The following RIMS2 variants were observed in gnomAD, a reference collection of about 807,000 sequenced individuals.
RIMS2 encodes the protein regulating synaptic membrane exocytosis protein 2.
In RIMS2, 59 loss-of-function variants were observed where a neutral mutation model predicts 174.4. The ratio of observed to expected loss-of-function variants is 0.34; its 90% CI spans 0.27 to 0.42. RIMS2 has a LOEUF of 0.42. Ranked by LOEUF, RIMS2 falls within the 10% of genes least tolerant of loss-of-function variation. The probability of loss-of-function intolerance (pLI) is 1.00; values close to 1 mark genes in which losing one functional copy is unlikely to be tolerated. For synonymous variants in RIMS2, 606 were observed against 572.5 expected (o/e 1.06, Z -0.84); for missense variants, 1,620 against 1,666.3 (o/e 0.97, Z 0.48).
At chr8:104,130,185 A>G (rs995088579) in intron 19 of RIMS2, among the ~76,000 whole-genome samples, 1 of 152,212 alleles carries the variant, frequency 6.6e-6, no homozygotes, top group African/African-American at 2.4e-5. Context: ...ATTGCAATAG[A>G]AGAATTTCCA....
chr8:104,148,494 A>G lies in RIMS2; in HGVS notation c.3335-96422A>G, dbSNP rs1410965262. On this transcript the variant is annotated intron_variant, in intron 19 of 23. Transcript: ENST00000504942. ...TTGAAATTTTTTAACTCCTAAAAAT[A>G]TATTCCATAGATGATATAATTTAAT... is the stretch of plus-strand genomic sequence containing the variant. 2.8e-6 allele frequency: 3 copies of G among 1,066,034 alleles called. No homozygotes were observed. In the African/African-American group the frequency reaches 4.8e-5, roughly 17 times the overall value. The allele number at this position is 1,066,034 out of a possible 1,614,324, so 66.0% of individuals were successfully genotyped here.
intron 1 of RIMS2, among the ~76,000 whole-genome samples, chr8:103,518,507 G>A (rs1830094710): frequency 6.6e-6 from 1 of 151,810 alleles, no homozygotes; most frequent in South Asian, 2.1e-4. Context: ...TGGAAAGCAG[G>A]TATCTATATA....
intron 2 of RIMS2, among the ~76,000 whole-genome samples, chr8:103,703,941 T>A (rs2097195732): frequency 6.6e-6 from 1 of 152,054 alleles, no homozygotes; most frequent in African/African-American, 2.4e-5. Flanking sequence ...AAAGTCTAAT[T>A]TGACTTCTTC....
At chr8:103,677,000 C>G (rs1387086850) in intron 1 of RIMS2, among the ~76,000 whole-genome samples, 1 of 152,006 alleles carries the variant, frequency 6.6e-6, no homozygotes, top group Non-Finnish European at 1.5e-5. Context: ...ATAAAATATA[C>G]TTTTTAAAGT....
intron 1 of RIMS2, among the ~76,000 whole-genome samples, chr8:103,615,617 A>C (rs1275945860): frequency 6.6e-6 from 1 of 152,162 alleles, no homozygotes; most frequent in East Asian, 1.9e-4. Flanking sequence ...AGTTAATAAA[A>C]TAGGCCACTA....
At chr8:103,664,264 C>A (rs146386144) in intron 1 of RIMS2, among the ~76,000 whole-genome samples, 119 of 152,186 alleles carry the variant, frequency 7.8e-4, no homozygotes, top group Non-Finnish European at 1.1e-3. Flanking sequence ...GCAACAAAAG[C>A]CAAAATAGAC....
intron 15 of RIMS2, among the ~76,000 whole-genome samples, chr8:103,967,285 G>C (rs1384784131): frequency 6.9e-6 from 1 of 144,144 alleles, no homozygotes; most frequent in Non-Finnish European, 1.5e-5. Context: ...CCAGGTTCAA[G>C]GTTCAAGTGA....
intron 19 of RIMS2, among the ~76,000 whole-genome samples, chr8:104,207,225 A>G (rs2099084516): frequency 6.6e-6 from 1 of 152,122 alleles, no homozygotes; most frequent in Non-Finnish European, 1.5e-5. Flanking sequence ...CGCCCAGCCC[A>G]TTTTTCCATC....
At chr8:103,780,589 T>A (rs2098377919) in intron 3 of RIMS2, among the ~76,000 whole-genome samples, 1 of 152,152 alleles carries the variant, frequency 6.6e-6, no homozygotes, top group Admixed American at 6.6e-5. Flanking sequence ...TTTTGTTTTT[T>A]AAAAATTATT....
At chr8:103,868,701 A>G (rs984525991) in intron 3 of RIMS2, among the ~76,000 whole-genome samples, 7 of 152,090 alleles carry the variant, frequency 4.6e-5, no homozygotes, top group Non-Finnish European at 8.8e-5. Flanking sequence ...TTTTCTTTGT[A>G]AAACTTTTAT....
intron 1 of RIMS2, among the ~76,000 whole-genome samples, chr8:103,583,902 C>T (rs1232526748): frequency 1.3e-5 from 2 of 150,512 alleles, no homozygotes; most frequent in African/African-American, 5.0e-5. Flanking sequence ...GGGGGAAAAA[C>T]ACACACAATG....
intron 3 of RIMS2, among the ~76,000 whole-genome samples, chr8:103,781,764 T>TG (rs2098391851): frequency 1.2e-5 from 1 of 84,292 alleles, no homozygotes; most frequent in Non-Finnish European, 2.4e-5. Context: ...TTTTTTTTTT[T>TG]GAGACAGAGT....
chr8:103,856,326 C>T (rs2099027502), intron 3 of RIMS2, among the ~76,000 whole-genome samples: 1 of 152,060 alleles, frequency 6.6e-6, no homozygotes, highest in South Asian at 2.1e-4. Flanking sequence ...TCTCTTGAAG[C>T]CAGAGATGGT....
intron 1 of RIMS2, among the ~76,000 whole-genome samples, chr8:103,643,442 C>CT (rs1264287735): frequency 6.6e-6 from 1 of 152,010 alleles, no homozygotes; most frequent in Non-Finnish European, 1.5e-5. Context: ...TTTCTTGCCA[C>CT]TTAGAATGCC....
intron 19 of RIMS2, among the ~76,000 whole-genome samples, chr8:104,177,403 T>C (rs1277556663): frequency 6.6e-6 from 1 of 152,174 alleles, no homozygotes; most frequent in Non-Finnish European, 1.5e-5. Context: ...ATGTACTTCA[T>C]ATGTAATATT....
intron 19 of RIMS2, among the ~76,000 whole-genome samples, chr8:104,186,972 C>G (rs990703783): frequency 2.0e-5 from 3 of 151,372 alleles, no homozygotes; most frequent in East Asian, 3.9e-4. Context: ...GAGGAAAGAA[C>G]CTATTTGTAC....
At chr8:103,841,131 C>A (rs528998266) in intron 3 of RIMS2, among the ~76,000 whole-genome samples, 1 of 152,256 alleles carries the variant, frequency 6.6e-6, no homozygotes, top group African/African-American at 2.4e-5. Flanking sequence ...ACTCTCTGAG[C>A]TCATCTAGGT....
intron 17 of RIMS2, among the ~76,000 whole-genome samples, chr8:104,005,710 G>A (rs2095550214): frequency 6.6e-6 from 1 of 152,114 alleles, no homozygotes; most frequent in Non-Finnish European, 1.5e-5. Flanking sequence ...TTAATTGTCA[G>A]TTGTTTTAAT....
chr8:103,547,293 T>A (rs1312993764), intron 1 of RIMS2, among the ~76,000 whole-genome samples: 4 of 152,176 alleles, frequency 2.6e-5, no homozygotes. Flanking sequence ...CTGTATCTTG[T>A]CACGCATTGC....
Sources: allele counts gnomAD v4.1 joint callset (sites outside exome capture counted in the v4.1 genomes callset), GRCh38; gene constraint gnomAD v4.1.1; transcripts MANE v1.5; gene names NCBI Gene and HGNC (gene_info 2026-07-23, HGNC 2026-07-21).